Variants in ARSB observed in about 807,000 individuals in gnomAD.
ARSB encodes N-acetylgalactosamine-4-sulfatase.
Under a neutral mutation model 50.9 loss-of-function variants are expected in ARSB, and 41 were observed. That is an observed-to-expected ratio of 0.81 (90% confidence interval 0.63 to 1.04). The LOEUF is 1.04. Among genes scored for constraint, ARSB ranks in the 50% least tolerant of loss-of-function variants. The pLI is 0.00. For missense variants in ARSB, 672 were observed against 693.3 expected (o/e 0.97, Z 0.35); for synonymous variants, 269 against 284.8 (o/e 0.94, Z 0.56).
At chr5:78,844,108 A>G (rs1745343281) in intron 5 of ARSB, among the ~76,000 whole-genome samples, 2 of 152,178 alleles carry the variant, frequency 1.3e-5, no homozygotes, top group Admixed American at 6.6e-5. Flanking sequence ...ACTCTACAAC[A>G]TTTTGAGGAC....
chr5:78,890,612 CA>C (rs1380205710), intron 4 of ARSB, among the ~76,000 whole-genome samples: 1 of 152,158 alleles, frequency 6.6e-6, no homozygotes, highest in East Asian at 1.9e-4. Context: ...TTGTAAAACC[CA>C]AAATCAATCA....
At chr5:78,854,048 C>G (rs1485582457) in intron 5 of ARSB, among the ~76,000 whole-genome samples, 1 of 152,260 alleles carries the variant, frequency 6.6e-6, no homozygotes, top group Non-Finnish European at 1.5e-5. Context: ...TAGGCTTGCG[C>G]ATGGTGCGCT....
chr5:78,944,728 G>A (rs1277491957), intron 4 of ARSB, among the ~76,000 whole-genome samples: 1 of 152,212 alleles, frequency 6.6e-6, no homozygotes, highest in East Asian at 1.9e-4. Context: ...GGGGGTCAGG[G>A]ACCCACTTGA....
intron 4 of ARSB, among the ~76,000 whole-genome samples, chr5:78,905,693 G>T (rs2112291061): frequency 6.6e-6 from 1 of 152,070 alleles, no homozygotes; most frequent in Non-Finnish European, 1.5e-5. Context: ...ATATGCACTT[G>T]GAGGTGAGCC....
intron 5 of ARSB, among the ~76,000 whole-genome samples, chr5:78,859,774 C>T (rs894547506): frequency 2.0e-5 from 3 of 151,988 alleles, no homozygotes; most frequent in African/African-American, 7.2e-5. Flanking sequence ...CACCATTGTG[C>T]CTCCTCTCAC....
intron 5 of ARSB, among the ~76,000 whole-genome samples, chr5:78,882,057 T>C (rs962915641): frequency 6.6e-6 from 1 of 152,260 alleles, no homozygotes; most frequent in East Asian, 1.9e-4. Flanking sequence ...TCTGGATTCT[T>C]CTCGGCCTCT....
At chr5:78,865,453 G>C (rs1008554213) in intron 5 of ARSB, among the ~76,000 whole-genome samples, 1 of 152,150 alleles carries the variant, frequency 6.6e-6, no homozygotes, top group Non-Finnish European at 1.5e-5. Context: ...CCTGGCCCCT[G>C]AAACCACTTT....
intron 4 of ARSB, among the ~76,000 whole-genome samples, chr5:78,941,710 C>G (rs1561515879): frequency 6.6e-6 from 1 of 152,022 alleles, no homozygotes; most frequent in Non-Finnish European, 1.5e-5. Context: ...ATTTTTGCAT[C>G]AATGTTCATC....
intron 1 of ARSB, 36 bp downstream of exon 1, chr5:78,984,901 G>A: frequency 7.7e-7 from 1 of 1,290,406 alleles, no homozygotes; most frequent in Non-Finnish European, 9.8e-7. Flanking sequence ...CGAAAGGCGG[G>A]GCGGGGGCGG....
chr5:78,985,728 T>C (rs1296117694), upstream of ARSB: 2 of 152,286 alleles, frequency 1.3e-5, no homozygotes, highest in African/African-American at 4.8e-5. Flanking sequence ...ACTCAGATCC[T>C]GAACCATGAT....
intron 4 of ARSB, among the ~76,000 whole-genome samples, chr5:78,950,956 C>A (rs1458060907): frequency 6.6e-6 from 1 of 152,168 alleles, no homozygotes; most frequent in African/African-American, 2.4e-5. Context: ...AAATGCAGTA[C>A]AATGGGATGA....
intron 5 of ARSB, among the ~76,000 whole-genome samples, chr5:78,865,056 G>C (rs1442849702): frequency 6.6e-6 from 1 of 152,170 alleles, no homozygotes; most frequent in Non-Finnish European, 1.5e-5. Flanking sequence ...AAGCTGTCGT[G>C]GGTCTATCAT....
At chr5:78,844,859 A>C (rs750845143) in intron 5 of ARSB, among the ~76,000 whole-genome samples, 2 of 152,096 alleles carry the variant, frequency 1.3e-5, no homozygotes, top group Non-Finnish European at 2.9e-5. Context: ...ATCACCTCAA[A>C]TATTTATCAT....
At chr5:78,810,239 G>A (rs10474567) in intron 6 of ARSB, among the ~76,000 whole-genome samples, 15,321 of 152,220 alleles carry the variant, frequency 0.1, 1,076 homozygotes, top group South Asian at 0.2. Flanking sequence ...GGGAAGCAGG[G>A]GAAATAAGGA....
chr5:78,928,477 G>T (rs1750162552), intron 4 of ARSB, among the ~76,000 whole-genome samples: 1 of 151,956 alleles, frequency 6.6e-6, no homozygotes, highest in African/African-American at 2.4e-5. Context: ...ACCACATCTG[G>T]CTAATTTTTT....
chr5:78,852,514 T>C (rs1745869544), intron 5 of ARSB, among the ~76,000 whole-genome samples: 1 of 152,196 alleles, frequency 6.6e-6, no homozygotes, highest in Non-Finnish European at 1.5e-5. Flanking sequence ...TCAACTTTGA[T>C]GAATCTGACA....
At chr5:78,796,624 T>C (rs926195921) in intron 6 of ARSB, among the ~76,000 whole-genome samples, 3 of 152,022 alleles carry the variant, frequency 2.0e-5, no homozygotes, top group Admixed American at 2.0e-4. Flanking sequence ...AAATGCTCCA[T>C]CTGGGTTCAT....
intron 6 of ARSB, among the ~76,000 whole-genome samples, chr5:78,809,633 G>A (rs1387421030): frequency 1.3e-5 from 2 of 152,234 alleles, no homozygotes; most frequent in African/African-American, 2.4e-5. Flanking sequence ...GCTGAGGGCC[G>A]CCAGAGCCTG....
chr5:78,972,132 C>A (rs1051950783), intron 1 of ARSB, among the ~76,000 whole-genome samples: 1 of 152,140 alleles, frequency 6.6e-6, no homozygotes, highest in Non-Finnish European at 1.5e-5. Flanking sequence ...CAATGGGGAG[C>A]CCTGGCAGGA....
Sources: allele counts gnomAD v4.1 joint callset (sites outside exome capture counted in the v4.1 genomes callset), GRCh38; gene constraint gnomAD v4.1.1; transcripts MANE v1.5; gene names NCBI Gene and HGNC (gene_info 2026-07-23, HGNC 2026-07-21).